GPA33: variants seen among roughly 807,000 people sequenced by gnomAD.
GPA33 encodes the protein cell surface A33 antigen.
Under a neutral mutation model 35.6 loss-of-function variants are expected in GPA33, and 27 were observed. That is an observed-to-expected ratio of 0.76 (90% confidence interval 0.56 to 1.04). The LOEUF (loss-of-function observed/expected upper bound fraction) is 1.04, where lower values mean the gene tolerates loss of function less well. Ranked by LOEUF, GPA33 falls within the 50% of genes least tolerant of loss-of-function variation. The pLI, the probability that GPA33 is intolerant of heterozygous loss-of-function variation, is 0.00. For synonymous variants in GPA33, 176 were observed against 164.0 expected (o/e 1.07, Z -0.56); for missense variants, 428 against 411.9 (o/e 1.04, Z -0.34).
chr1:167,085,975 C>G (rs1667039528), intron 1 of GPA33, among the ~76,000 whole-genome samples: 1 of 152,200 alleles, frequency 6.6e-6, no homozygotes, highest in African/African-American at 2.4e-5. Flanking sequence ...TTTCACTTCC[C>G]AGGTGACTCT....
intron 4 of GPA33, 76 bp downstream of exon 4, chr1:167,063,506 G>C (rs958196626): frequency 4.4e-6 from 6 of 1,375,012 alleles, no homozygotes; most frequent in African/African-American, 2.9e-5. Context: ...GTCAACCCAA[G>C]TTGCAGCCCC....
chr1:167,076,034 T>C (rs1459063581), intron 1 of GPA33, among the ~76,000 whole-genome samples: 1 of 151,420 alleles, frequency 6.6e-6, no homozygotes, highest in Non-Finnish European at 1.5e-5. Context: ...AAGGAGTGAG[T>C]TCAAGAGCTG....
Position 167,073,407 on chromosome 1 carries a change from T to C in GPA33, c.176A>G (p.Asp59Gly). The change falls in exon 2 of 7, where the codon GAT becomes GGT. Residue 59 changes from aspartate (D) to glycine (G), a missense_variant. By Grantham distance (94) the Asp-to-Gly change is moderately conservative (BLOSUM62 -1). Coordinates refer to ENST00000367868, the MANE Select transcript of GPA33 (RefSeq NM_005814.3). ...TSSREGLIQW[D>G]KLLLTHTERV... ...TACCGTATGAGTGAGGAGGAGCTTA[T>C]CCCATTGAATAAGTCCCTCTCGACT... is the stretch of plus-strand genomic sequence containing the variant. 1.2e-6 allele frequency: 2 copies of C among 1,614,028 alleles called. No homozygotes were observed. The highest frequency in any genetic ancestry group is 1.1e-5 in the South Asian group (1 of 91,074).
chr1:167,061,769 A>T (rs1666454292), intron 4 of GPA33, among the ~76,000 whole-genome samples: 1 of 151,714 alleles, frequency 6.6e-6, no homozygotes, highest in Non-Finnish European at 1.5e-5. Flanking sequence ...CGTCCGGCTA[A>T]TTTTTTGTAT....
At chr1:167,064,159 C>G (rs577175436) in intron 3 of GPA33, among the ~76,000 whole-genome samples, 5 of 152,244 alleles carry the variant, frequency 3.3e-5, no homozygotes, top group African/African-American at 1.2e-4. Flanking sequence ...TGGCACCCAC[C>G]TATAATCCCA....
At chr1:167,086,849 G>A (rs1183346268) in intron 1 of GPA33, among the ~76,000 whole-genome samples, 4 of 152,018 alleles carry the variant, frequency 2.6e-5, no homozygotes, top group Non-Finnish European at 5.9e-5. Flanking sequence ...AGAAAAACAA[G>A]GAAGCTTCCT....
chr1:167,056,000 C>A, intron 4 of GPA33, 151 bp from the exon 5 acceptor site: 1 of 724,458 alleles, frequency 1.4e-6, no homozygotes, highest in Non-Finnish European at 2.3e-6. Flanking sequence ...GGCTGCAGGA[C>A]GCTTAAACCA....
intron 2 of GPA33, among the ~76,000 whole-genome samples, chr1:167,070,657 A>G (rs139509914): frequency 4.6e-5 from 7 of 152,358 alleles, no homozygotes; most frequent in African/African-American, 1.7e-4. Context: ...CTCTCAACAC[A>G]GGATGGAAAG....
chr1:167,075,434 T>G (rs1412280146), intron 1 of GPA33, among the ~76,000 whole-genome samples: 1 of 152,142 alleles, frequency 6.6e-6, no homozygotes, highest in Non-Finnish European at 1.5e-5. Context: ...TTTGGCGTGT[T>G]AGAGGAAAAC....
chr1:167,067,626 G>C (rs954145996), intron 3 of GPA33, among the ~76,000 whole-genome samples: 4 of 152,062 alleles, frequency 2.6e-5, no homozygotes, highest in African/African-American at 9.7e-5. Context: ...TGTGTGTATG[G>C]GATGTCTATT....
chr1:167,080,809 C>T (rs1355065201), intron 1 of GPA33, among the ~76,000 whole-genome samples: 1 of 152,204 alleles, frequency 6.6e-6, no homozygotes, highest in Non-Finnish European at 1.5e-5. Flanking sequence ...ATCCCTAGAG[C>T]TCGGCAAAGT....
chr1:167,084,006 C>A (rs575800250), intron 1 of GPA33, among the ~76,000 whole-genome samples: 9 of 152,170 alleles, frequency 5.9e-5, no homozygotes, highest in African/African-American at 2.2e-4. Context: ...ATTGCCTGCC[C>A]CCACCAAGAT....
chr1:167,083,296 T>G (rs540903399), intron 1 of GPA33, among the ~76,000 whole-genome samples: 2 of 152,280 alleles, frequency 1.3e-5, no homozygotes, highest in African/African-American at 4.8e-5. Context: ...CAGGAACATT[T>G]TGAGAGAAGC....
intron 1 of GPA33, among the ~76,000 whole-genome samples, chr1:167,085,203 G>T (rs1205859221): frequency 6.6e-6 from 1 of 152,174 alleles, no homozygotes; most frequent in African/African-American, 2.4e-5. Flanking sequence ...GGGACTGAGG[G>T]TGAGGGACTC....
At chr1:167,067,880 T>G (rs1277561869) in intron 3 of GPA33, among the ~76,000 whole-genome samples, 1 of 152,098 alleles carries the variant, frequency 6.6e-6, no homozygotes, top group Non-Finnish European at 1.5e-5. Context: ...CAAGAGTGTG[T>G]GTGTGTTGAA....
At chr1:167,072,332 A>G (rs534891444) in intron 2 of GPA33, among the ~76,000 whole-genome samples, 4 of 152,334 alleles carry the variant, frequency 2.6e-5, no homozygotes, top group Admixed American at 6.5e-5. Flanking sequence ...AATTAAAGAA[A>G]TGTTAATTTG....
intron 3 of GPA33, among the ~76,000 whole-genome samples, chr1:167,068,557 C>T (rs757646061): frequency 6.6e-6 from 1 of 152,108 alleles, no homozygotes; most frequent in Non-Finnish European, 1.5e-5. Context: ...GATGTGGCCC[C>T]CTGAGCACCC....
intron 4 of GPA33, among the ~76,000 whole-genome samples, chr1:167,060,259 G>A (rs1424993800): frequency 6.6e-6 from 1 of 152,076 alleles, no homozygotes; most frequent in African/African-American, 2.4e-5. Context: ...TTTTGGTAGA[G>A]ACAGGGTTTC....
chr1:167,055,846 G>A lies in GPA33; in HGVS notation c.575C>T (p.Ser192Leu), dbSNP rs962405388. 1 of 1,614,048 alleles carries A rather than the reference G, an allele frequency of 6.2e-7. No individual in the cohort carries two copies. The highest frequency in any genetic ancestry group is 2.2e-5 in the East Asian group (1 of 44,884). Residue 192 changes from serine (S) to leucine (L), a missense_variant, in exon 5 of 7, where the codon TCA (serine) becomes TTA (leucine). Physicochemically the swap from Ser to Leu is moderately radical, Grantham distance 145 (BLOSUM62 -2). Transcript: ENST00000367868. The stretch of plus-strand genomic sequence containing the variant: ...ATTCTTCAGGGAGACAGGCTGACCT[G>A]AGGCTGCAGGGGAAGAAGAGTCAGG... ...NQEQPLAQPASGQPVSLKNIS... is the reference protein window; with the variant it reads ...NQEQPLAQPALGQPVSLKNIS...
Sources: gnomAD v4.1 joint callset for allele counts (sites outside exome capture counted in the v4.1 genomes callset) on GRCh38, gnomAD v4.1.1 for gene constraint, MANE v1.5 for transcripts, NCBI Gene and HGNC (gene_info 2026-07-23, HGNC 2026-07-21) for gene names.